SLCO3A1: variants seen among roughly 807,000 people sequenced by gnomAD.
SLCO3A1 encodes PGE1 transporter.
In SLCO3A1, 27 loss-of-function variants were observed where a neutral mutation model predicts 63.1. That is an observed-to-expected ratio of 0.43 (90% confidence interval 0.32 to 0.59). SLCO3A1 has a LOEUF of 0.59. Ranked by LOEUF, SLCO3A1 falls within the 20% of genes least tolerant of loss-of-function variation. The pLI is 0.09. For missense variants in SLCO3A1, 773 were observed against 945.8 expected (o/e 0.82, Z 2.40); for synonymous variants, 473 against 409.9 (o/e 1.15, Z -1.86).
chr15:91,947,758 T>G (rs1047759231), intron 2 of SLCO3A1, among the ~76,000 whole-genome samples: 3 of 152,316 alleles, frequency 2.0e-5, no homozygotes. Context: ...GGCAGGTTGC[T>G]CCGATGGCCC....
Position 92,100,352 on chromosome 15 carries a change from G to C in SLCO3A1, c.746-3927G>C, listed in dbSNP as rs572836214. ...TGAGGGAGTTGAGCCTATTTACTTA[G>C]AGTCCCCAGAATGTGCCACACCTTG... On this transcript the variant is annotated intron_variant, in intron 3 of 9. Transcript: ENST00000318445. 1.5e-4 allele frequency among the ~76,000 whole-genome samples: 23 copies of C among 152,308 alleles called. No individual in the cohort carries two copies. In the South Asian group the frequency reaches 4.8e-3, roughly 32 times the overall value.
intron 7 of SLCO3A1, among the ~76,000 whole-genome samples, chr15:92,134,212 A>G (rs1041961189): frequency 4.6e-5 from 7 of 152,234 alleles, no homozygotes; most frequent in African/African-American, 1.2e-4. Context: ...CCAAAGGCTT[A>G]CGGTTTGCAG....
At chr15:91,903,016 C>T (rs889532576) in intron 1 of SLCO3A1, among the ~76,000 whole-genome samples, 6 of 152,168 alleles carry the variant, frequency 3.9e-5, no homozygotes, top group Non-Finnish European at 8.8e-5. Context: ...ACTGCAAATG[C>T]AATATGTTAG....
rs538120126 is a variant in SLCO3A1 at position 91,892,546 on chromosome 15, A to G, written c.181-23447A>G. Among the ~76,000 whole-genome samples, 10 of 152,258 alleles carry G rather than the reference A, an allele frequency of 6.6e-5. No individual in the cohort carries two copies. The South Asian group carries it at 2.1e-3, about 32-fold the overall frequency. ...TTTCCTGACCTGCATTTGTGACATG[A>G]GTAGGAGGTAAGAACAGCTTATTGT... On this transcript the variant is annotated intron_variant, in intron 1 of 9. Coordinates refer to ENST00000318445, the MANE Select transcript of SLCO3A1 (RefSeq NM_013272.4).
At chr15:91,899,488 G>A (rs774220689) in intron 1 of SLCO3A1, among the ~76,000 whole-genome samples, 1 of 152,030 alleles carries the variant, frequency 6.6e-6, no homozygotes, top group Non-Finnish European at 1.5e-5. Flanking sequence ...TAGTTCCAAC[G>A]TGACTCCTCT....
intron 9 of SLCO3A1, among the ~76,000 whole-genome samples, chr15:92,160,450 A>T (rs908956150): frequency 6.6e-6 from 1 of 152,050 alleles, no homozygotes; most frequent in Non-Finnish European, 1.5e-5. Flanking sequence ...GGAAGGGCTG[A>T]GACACCTGGG....
intron 2 of SLCO3A1, among the ~76,000 whole-genome samples, chr15:91,956,936 C>T (rs537320084): frequency 1.3e-4 from 11 of 83,426 alleles, no homozygotes; most frequent in South Asian, 1.2e-3. Flanking sequence ...TACAGGCGCG[C>T]GCCACCATGC....
In SLCO3A1 at chr15:92,104,355, A is replaced by G; in HGVS notation, c.822A>G (p.Leu274=). 6.2e-7 allele frequency: 1 copy of G among 1,613,388 alleles called. No individual in the cohort carries two copies. The highest frequency in any genetic ancestry group is 1.1e-5 in the South Asian group (1 of 91,028). The change falls in exon 4 of 10, where the codon TTA becomes TTG. Residue 274 remains leucine, a synonymous_variant. Coordinates refer to ENST00000318445, the MANE Select transcript of SLCO3A1 (RefSeq NM_013272.4). The part of the protein sequence containing the change: ...WWGGFLLCGA[L]LFFSSLLMFG... ...GTGGCTTTCTGCTCTGCGGTGCCTTACTCTTCTTCTCTTCCCTCTTGATGT... is the reference window on the plus strand; with the variant it reads ...GTGGCTTTCTGCTCTGCGGTGCCTTGCTCTTCTTCTCTTCCCTCTTGATGT...
intron 2 of SLCO3A1, among the ~76,000 whole-genome samples, chr15:92,069,323 C>A (rs2151513541): frequency 6.6e-6 from 1 of 152,232 alleles, no homozygotes; most frequent in Non-Finnish European, 1.5e-5. Context: ...ACAGACCAAT[C>A]CAGATAGATA....
intron 2 of SLCO3A1, among the ~76,000 whole-genome samples, chr15:91,944,776 C>G (rs1288590690): frequency 6.6e-6 from 1 of 152,116 alleles, no homozygotes; most frequent in East Asian, 1.9e-4. Flanking sequence ...CCCTGCAGAA[C>G]TGATGATGGC....
At chr15:92,161,253 A>G (rs1237162859) in intron 9 of SLCO3A1, among the ~76,000 whole-genome samples, 1 of 152,180 alleles carries the variant, frequency 6.6e-6, no homozygotes, top group Non-Finnish European at 1.5e-5. Flanking sequence ...ACTTTCCCAT[A>G]GTACAGATGA....
chr15:91,918,863 G>A (rs544433306), intron 2 of SLCO3A1, among the ~76,000 whole-genome samples: 4 of 152,160 alleles, frequency 2.6e-5, no homozygotes, highest in Admixed American at 6.6e-5. Context: ...TATATCCATC[G>A]GGGAGGAATA....
chr15:91,903,611 C>T (rs1329120796), intron 1 of SLCO3A1, among the ~76,000 whole-genome samples: 2 of 152,108 alleles, frequency 1.3e-5, no homozygotes, highest in African/African-American at 2.4e-5. Context: ...GTGCCTTTTC[C>T]TCCAGTGGAC....
intron 6 of SLCO3A1, among the ~76,000 whole-genome samples, chr15:92,127,611 G>C (rs1194706646): frequency 1.3e-5 from 2 of 152,198 alleles, no homozygotes; most frequent in Admixed American, 1.3e-4. Flanking sequence ...AGCTGAAAAT[G>C]ATCAGAGTAA....
At chr15:92,105,742 C>T (rs538464999) in intron 4 of SLCO3A1, among the ~76,000 whole-genome samples, 1 of 152,310 alleles carries the variant, frequency 6.6e-6, no homozygotes, top group Non-Finnish European at 1.5e-5. Context: ...TCAGGCACTA[C>T]TTCCCAGGGA....
At chr15:92,107,290 C>G (rs1010695513) in intron 4 of SLCO3A1, among the ~76,000 whole-genome samples, 3 of 152,190 alleles carry the variant, frequency 2.0e-5, no homozygotes, top group African/African-American at 7.2e-5. Flanking sequence ...TGCAAGATTC[C>G]TTAAGAGCCA....
intron 2 of SLCO3A1, among the ~76,000 whole-genome samples, chr15:92,001,206 G>T (rs1373612441): frequency 5.4e-5 from 8 of 148,814 alleles, no homozygotes; most frequent in East Asian, 4.0e-4. Flanking sequence ...AGGACCAGGT[G>T]GGTGGGCGGG....
rs2048483312 is a variant in SLCO3A1, at chr15:92,165,156, G to A, written c.*2021G>A. 3.0e-6 allele frequency: 3 copies of A among 985,318 alleles called. No homozygotes were observed. The highest frequency in any genetic ancestry group is 3.6e-6 in the Non-Finnish European group (3 of 829,952). 61.0% of individuals were successfully genotyped at this position (985,318 alleles called of 1,614,324 possible). ...AGGCACTCAGCAAGACCAACCAAAA[G>A]AAAAGCTGTGTCGTGGTATGGGGCC... is the stretch of plus-strand genomic sequence containing the variant. On this transcript the variant is annotated 3_prime_UTR_variant, in exon 10 of 10. Coordinates refer to ENST00000318445, the MANE Select transcript of SLCO3A1 (RefSeq NM_013272.4).
At chr15:91,925,239 A>C (rs1029956605) in intron 2 of SLCO3A1, among the ~76,000 whole-genome samples, 16 of 152,030 alleles carry the variant, frequency 1.1e-4, no homozygotes, top group African/African-American at 3.9e-4. Flanking sequence ...TCTTGGCTTC[A>C]TTTTCTTTTT....
Sources: gnomAD v4.1 joint callset for allele counts (sites outside exome capture counted in the v4.1 genomes callset) on GRCh38, gnomAD v4.1.1 for gene constraint, MANE v1.5 for transcripts, NCBI Gene and HGNC (gene_info 2026-07-23, HGNC 2026-07-21) for gene names.